Variants in CFTR observed in about 807,000 individuals in gnomAD.
The protein encoded by CFTR is CF transmembrane conductance regulator, also known as cystic fibrosis transmembrane conductance regulator.
In CFTR, 181 loss-of-function variants were observed where a neutral mutation model predicts 171.6. That is an observed-to-expected ratio of 1.05 (90% CI 0.93 to 1.19). The LOEUF is 1.19. CFTR is among the 50% of genes most tolerant of loss of function. The pLI is 0.00. For missense variants in CFTR, 1,968 were observed against 1,734.7 expected (o/e 1.13, Z -2.39); for synonymous variants, 583 against 608.0 (o/e 0.96, Z 0.60).
At chr7:117,617,063 C>T (rs1792502097) in intron 21 of CFTR, among the ~76,000 whole-genome samples, 1 of 152,114 alleles carries the variant, frequency 6.6e-6, no homozygotes, top group Non-Finnish European at 1.5e-5. Context: ...AGTAAAAACT[C>T]AGTGTTGTCA....
intron 22 of CFTR, among the ~76,000 whole-genome samples, chr7:117,628,835 G>A (rs1483852570): frequency 6.6e-6 from 1 of 152,104 alleles, no homozygotes; most frequent in African/African-American, 2.4e-5. Context: ...ATTCATATCA[G>A]TGAATACCAT....
chr7:117,592,642 CGAA>C lies in CFTR; in HGVS notation c.2481_2483del (p.Glu827del), dbSNP rs2116034014. On this transcript the variant is annotated inframe_deletion, in exon 14 of 27. Transcript: ENST00000003084. The stretch of plus-strand genomic sequence containing the variant: ...GCTTGGAAATAAGTGAAGAAATTAA[CGAA>C]GAAGACTTAAAGGTAGGTATACATC... 4 of 1,539,916 alleles carry C rather than the reference CGAA, an allele frequency of 2.6e-6. No individual in the cohort carries two copies. Among genetic ancestry groups the C allele is most frequent in the East Asian group, 2.3e-5 (1 of 44,272 alleles).
chr7:117,530,136 G>A (rs1432794142), intron 3 of CFTR, among the ~76,000 whole-genome samples: 10 of 152,036 alleles, frequency 6.6e-5, no homozygotes, highest in Admixed American at 6.6e-4. Context: ...CATAACTTCC[G>A]CTCTCTCTCA....
In CFTR at chr7:117,667,187, C is replaced by A; in HGVS notation, c.*79C>A. 1 of 1,283,368 alleles carries A rather than the reference C, an allele frequency of 7.8e-7. No homozygotes were observed. The highest frequency in any genetic ancestry group is 1.1e-6 in the Non-Finnish European group (1 of 891,486). 79.5% of individuals were successfully genotyped at this position (1,283,368 alleles called of 1,614,324 possible). On this transcript the variant is annotated 3_prime_UTR_variant, in exon 27 of 27. Transcript: ENST00000003084. ...GGACAGTCACCTCATGGAATTGGAG[C>A]TCGTGGAACAGTTACCTCTGCCTCA...
intron 3 of CFTR, among the ~76,000 whole-genome samples, chr7:117,518,527 G>A (rs1209929150): frequency 1.4e-5 from 2 of 145,496 alleles, no homozygotes; most frequent in African/African-American, 5.1e-5. Flanking sequence ...TAGCAAACAT[G>A]TATATATAAA....
In CFTR at chr7:117,602,873, C is replaced by G; in HGVS notation, c.2657+10C>G. 1 of 1,608,336 alleles carries G rather than the reference C, an allele frequency of 6.2e-7. No homozygotes were observed. The highest frequency in any genetic ancestry group is 1.1e-5 in the South Asian group (1 of 90,960). On this transcript the variant is annotated intron_variant, in intron 16 of 26. Coordinates refer to ENST00000003084, the MANE Select transcript of CFTR (RefSeq NM_000492.4). ...TGTGGCTCCTTGGAAAGTGAGTATT[C>G]CATGTCCTATTGTGTAGATTGTGTT... is the stretch of plus-strand genomic sequence containing the variant.
Position 117,520,573 on chromosome 7 carries a change from A to G in CFTR, c.274-10326A>G, listed in dbSNP as rs117161414. 3.5e-4 allele frequency among the ~76,000 whole-genome samples: 53 copies of G among 152,046 alleles called. No homozygotes were observed. In the East Asian group the frequency reaches 7.5e-3, roughly 22 times the overall value. ...CCACTGAATTAAAATGCCGTATTTT[A>G]TAATATATTAAAGTATTACATGTGC... is the stretch of plus-strand genomic sequence containing the variant. On this transcript the variant is annotated intron_variant, in intron 3 of 26. Coordinates refer to ENST00000003084, the MANE Select transcript of CFTR (RefSeq NM_000492.4).
At position 117,664,730 on chromosome 7, in the gene CFTR, G is replaced by A. The variant is rs1283483930; in HGVS notation, c.4006G>A (p.Asp1336Asn). The A allele has an allele frequency of 3.1e-6, 5 of 1,613,918 alleles. No homozygotes were observed. Among genetic ancestry groups the A allele is most frequent in the Non-Finnish European group, 3.4e-6 (4 of 1,179,936 alleles). The change falls in exon 25 of 27, where the codon GAC (aspartate) becomes AAC (asparagine). Residue 1336 changes from aspartate to asparagine, a missense_variant. Physicochemically the swap from Asp to Asn is conservative, Grantham distance 23. Transcript: ENST00000003084. ...SVIEQFPGKLDFVLVDGGCVL... is the reference protein window; with the variant it reads ...SVIEQFPGKLNFVLVDGGCVL... ...GATAGAACAGTTTCCTGGGAAGCTT[G>A]ACTTTGTCCTTGTGGATGGGGGCTG... is the stretch of plus-strand genomic sequence containing the variant.
chr7:117,666,806 A>G, intron 26 of CFTR, 102 bp from the exon 27 acceptor site: 1 of 977,294 alleles, frequency 1.0e-6, no homozygotes, highest in Non-Finnish European at 1.6e-6. Flanking sequence ...TGGACATTGC[A>G]TTCTTTGACT....
At chr7:117,525,256 A>G (rs1300989986) in intron 3 of CFTR, among the ~76,000 whole-genome samples, 1 of 152,036 alleles carries the variant, frequency 6.6e-6, no homozygotes, top group Non-Finnish European at 1.5e-5. Context: ...ATAGTTTGTT[A>G]TAATTTCTGT....
At chr7:117,499,224 C>T (rs545549196) in intron 1 of CFTR, among the ~76,000 whole-genome samples, 25 of 152,024 alleles carry the variant, frequency 1.6e-4, no homozygotes, top group African/African-American at 4.8e-4. Context: ...ATGTCAGATG[C>T]GTCTTTTGGA....
intron 1 of CFTR, among the ~76,000 whole-genome samples, chr7:117,497,682 C>T (rs1798260904): frequency 6.6e-6 from 1 of 151,976 alleles, no homozygotes; most frequent in East Asian, 1.9e-4. Flanking sequence ...GAAATATTAC[C>T]TTGTTGAGAA....
At chr7:117,490,354 C>CAA (rs1554374167) in intron 1 of CFTR, among the ~76,000 whole-genome samples, 6 of 146,056 alleles carry the variant, frequency 4.1e-5, no homozygotes, top group South Asian at 4.3e-4. Context: ...CACACACACA[C>CAA]AATTTATTAT....
At chr7:117,628,989 C>A (rs1437436923) in intron 22 of CFTR, among the ~76,000 whole-genome samples, 2 of 152,086 alleles carry the variant, frequency 1.3e-5, no homozygotes, top group Non-Finnish European at 2.9e-5. Flanking sequence ...TGACATCCTG[C>A]CACCCCTTTG....
chr7:117,581,340 T>G (rs1791847282), intron 11 of CFTR, among the ~76,000 whole-genome samples: 2 of 152,206 alleles, frequency 1.3e-5, no homozygotes, highest in Non-Finnish European at 2.9e-5. Context: ...ACATACCTTA[T>G]GATGATATGC....
chr7:117,536,354 T>A (rs1477813347), intron 6 of CFTR, among the ~76,000 whole-genome samples, 194 bp from the exon 7 acceptor site: 1 of 152,230 alleles, frequency 6.6e-6, no homozygotes, highest in Admixed American at 6.5e-5. Flanking sequence ...GGAATGAGTC[T>A]GTACAGCGTC....
chr7:117,483,532 T>A (rs1294176391), intron 1 of CFTR, among the ~76,000 whole-genome samples: 1 of 151,894 alleles, frequency 6.6e-6, no homozygotes, highest in Non-Finnish European at 1.5e-5. Context: ...TAAAAAAAAA[T>A]GCATTGCAAA....
At chr7:117,655,567 C>T (rs1247705813) in intron 24 of CFTR, among the ~76,000 whole-genome samples, 1 of 152,094 alleles carries the variant, frequency 6.6e-6, no homozygotes, top group Non-Finnish European at 1.5e-5. Flanking sequence ...ACCAGAATGG[C>T]CTTTAATTGT....
At chr7:117,607,768 C>A (rs1792323813) in intron 18 of CFTR, among the ~76,000 whole-genome samples, 1 of 152,216 alleles carries the variant, frequency 6.6e-6, no homozygotes, top group African/African-American at 2.4e-5. Flanking sequence ...CAGTTTGCCT[C>A]ATCTGAAATG....
Sources: gnomAD v4.1 joint callset for allele counts (sites outside exome capture counted in the v4.1 genomes callset) on GRCh38, gnomAD v4.1.1 for gene constraint, MANE v1.5 for transcripts, NCBI Gene and HGNC (gene_info 2026-07-23, HGNC 2026-07-21) for gene names.